Variants in CCDC158 observed in about 807,000 individuals in gnomAD.
CCDC158 encodes coiled-coil domain-containing protein 158.
Under a neutral mutation model 138.6 loss-of-function variants are expected in CCDC158, and 116 were observed. That is an observed-to-expected ratio of 0.84 (90% CI 0.72 to 0.98). The LOEUF (loss-of-function observed/expected upper bound fraction) is 0.98. Among genes scored for constraint, CCDC158 ranks in the 50% least tolerant of loss-of-function variants. The pLI, the probability that CCDC158 is intolerant of heterozygous loss-of-function variation, is 0.00. For missense variants in CCDC158, 1,265 were observed against 1,306.1 expected (o/e 0.97, Z 0.48); for synonymous variants, 436 against 442.4 (o/e 0.99, Z 0.18).
rs754771967 is a variant in CCDC158 at position 76,334,091 on chromosome 4, A to G, written c.2741T>C (p.Val914Ala). ...AGACACAGCTGGCTCCTCATTGATCACGCTTCTCAACTCTTGGAGAAGCTG... is the reference window on the plus strand; with the variant it reads ...AGACACAGCTGGCTCCTCATTGATCGCGCTTCTCAACTCTTGGAGAAGCTG... ...LKQLLQELRSVINEEPAVSLS... is the reference protein window; with the variant it reads ...LKQLLQELRSAINEEPAVSLS... The change falls in exon 19 of 25, where the codon GTG (valine) becomes GCG (alanine). Residue 914 changes from valine (V) to alanine (A), a missense_variant. Physicochemically the swap from Val to Ala is moderately conservative, Grantham distance 64. Coordinates refer to ENST00000682701, the MANE Select transcript of CCDC158 (RefSeq NM_001394954.1). 2 of 1,613,774 alleles carry G rather than the reference A, an allele frequency of 1.2e-6. No individual in the cohort carries two copies. The highest frequency in any genetic ancestry group is 1.3e-5 in the African/African-American group (1 of 74,904).
rs149583813 is a variant in CCDC158, at chr4:76,370,049, T to C, written c.1150-426A>G. ...GAGATGGCAGAATAGTGGCTGGTAC[T>C]GGAATTGGAGTAGCATCTGGGCTGT... On this transcript the variant is annotated intron_variant, in intron 10 of 24. Transcript: ENST00000682701. Among the ~76,000 whole-genome samples the C allele has an allele frequency of 2.8e-3, 421 of 152,270 alleles. 3 individuals carry two copies. Among genetic ancestry groups the C allele is most frequent in the African/African-American group, 9.5e-3 (396 of 41,550 alleles).
At position 76,421,022 on chromosome 4, in the gene CCDC158, C is replaced by T. The variant is rs1306931133; in HGVS notation, c.-174G>A. Among the ~76,000 whole-genome samples, 4 of 152,088 alleles carry T rather than the reference C, an allele frequency of 2.6e-5. No homozygotes were observed. The highest frequency in any genetic ancestry group is 2.1e-4 in the South Asian group (1 of 4,822). ...CACATCTCCGCGGGGCGCCGGCGGGCGCAGCGGCCCCACCTACGTCGACCT... is the reference window on the plus strand; with the variant it reads ...CACATCTCCGCGGGGCGCCGGCGGGTGCAGCGGCCCCACCTACGTCGACCT... On this transcript the variant is annotated 5_prime_UTR_variant, in exon 1 of 25. Coordinates refer to ENST00000682701, the MANE Select transcript of CCDC158 (RefSeq NM_001394954.1).
Position 76,367,289 on chromosome 4 carries a change from C to T in CCDC158, c.1830+5G>A. 1.9e-6 allele frequency: 3 copies of T among 1,604,424 alleles called. No homozygotes were observed. Among genetic ancestry groups the T allele is most frequent in the Non-Finnish European group, 2.6e-6 (3 of 1,174,446 alleles). ...GAAGTTAAATCACAAAAAAACTCTACAGACCTTAAGTTCCTTTAGTTCCAT... is the reference window on the plus strand; with the variant it reads ...GAAGTTAAATCACAAAAAAACTCTATAGACCTTAAGTTCCTTTAGTTCCAT... On this transcript the variant is annotated splice_donor_5th_base_variant and intron_variant, in intron 12 of 24. Transcript: ENST00000682701.
intron 1 of CCDC158, among the ~76,000 whole-genome samples, chr4:76,414,854 CT>C (rs989552200): frequency 2.4e-4 from 36 of 152,146 alleles, no homozygotes; most frequent in African/African-American, 8.2e-4. Context: ...CTCAGTATGT[CT>C]TTAACAGCAG....
chr4:76,418,480 T>C (rs1729864652), intron 1 of CCDC158, among the ~76,000 whole-genome samples: 1 of 152,156 alleles, frequency 6.6e-6, no homozygotes, highest in Admixed American at 6.5e-5. Context: ...TATTAGTCTG[T>C]TTTCATGCTG....
chr4:76,343,856 A>C (rs184289238), intron 18 of CCDC158, among the ~76,000 whole-genome samples: 1 of 152,292 alleles, frequency 6.6e-6, no homozygotes, highest in East Asian at 1.9e-4. Context: ...TATCCATGAA[A>C]GAACGGAAAG....
chr4:76,401,673 A>G (rs1728403040), intron 3 of CCDC158: 1 of 160,494 alleles, frequency 6.2e-6, no homozygotes, highest in African/African-American at 2.4e-5. Flanking sequence ...TCTTGGTAAT[A>G]AGATCCAAAA....
At chr4:76,420,671 C>A (rs1481702329) in intron 1 of CCDC158, among the ~76,000 whole-genome samples, 1 of 152,208 alleles carries the variant, frequency 6.6e-6, no homozygotes, top group Non-Finnish European at 1.5e-5. Context: ...TCAGCAGTCA[C>A]GTTGGGGCAG....
chr4:76,411,381 CAG>C, intron 2 of CCDC158, among the ~76,000 whole-genome samples: 1 of 152,184 alleles, frequency 6.6e-6, no homozygotes, highest in South Asian at 2.1e-4. Flanking sequence ...GCCTGGGTGA[CAG>C]AGCAAGACTC....
intron 24 of CCDC158, among the ~76,000 whole-genome samples, chr4:76,321,664 G>T (rs1259006109): frequency 6.9e-6 from 1 of 144,000 alleles, no homozygotes; most frequent in Non-Finnish European, 1.5e-5. Context: ...TATATACCAT[G>T]TATATTTTTA....
At chr4:76,372,155 A>C (rs1328386963) in intron 9 of CCDC158, among the ~76,000 whole-genome samples, 1 of 152,138 alleles carries the variant, frequency 6.6e-6, no homozygotes, top group African/African-American at 2.4e-5. Context: ...GTATTTAAGA[A>C]AGCTTGAGGG....
At position 76,338,104 on chromosome 4, in the gene CCDC158, T is replaced by C. The variant is rs368215387; in HGVS notation, c.2665-3937A>G. Among the ~76,000 whole-genome samples, 8 of 152,232 alleles carry C rather than the reference T, an allele frequency of 5.3e-5. No homozygotes were observed. The East Asian group carries it at 1.3e-3, about 26-fold the overall frequency. On this transcript the variant is annotated intron_variant, in intron 18 of 24. Transcript: ENST00000682701. ...TAGGAGTGCGAACCCTCTTGTGAACTGCACATGCAGGAGATCTAGGTTGCA... is the reference window on the plus strand; with the variant it reads ...TAGGAGTGCGAACCCTCTTGTGAACCGCACATGCAGGAGATCTAGGTTGCA...
intron 12 of CCDC158, among the ~76,000 whole-genome samples, chr4:76,367,058 T>C (rs1395866896): frequency 6.6e-6 from 1 of 152,174 alleles, no homozygotes; most frequent in Non-Finnish European, 1.5e-5. Flanking sequence ...TCATAGATTT[T>C]CTGATCTTTT....
intron 18 of CCDC158, among the ~76,000 whole-genome samples, chr4:76,349,912 C>A (rs1722899554): frequency 6.6e-6 from 1 of 152,002 alleles, no homozygotes; most frequent in Non-Finnish European, 1.5e-5. Flanking sequence ...AGGAAAAGAT[C>A]AAGGTGCAAT....
chr4:76,318,435 T>C (rs756881080), intron 24 of CCDC158, among the ~76,000 whole-genome samples: 5 of 151,952 alleles, frequency 3.3e-5, no homozygotes, highest in South Asian at 2.1e-4. Context: ...TTCCTGGAGA[T>C]ATACAACCCT....
At chr4:76,380,357 G>A (rs1726118663) in intron 8 of CCDC158, among the ~76,000 whole-genome samples, 1 of 152,178 alleles carries the variant, frequency 6.6e-6, no homozygotes, top group African/African-American at 2.4e-5. Flanking sequence ...AGATGGAGAT[G>A]AGGAACTTCT....
At chr4:76,328,815 G>A (rs1005746675) in intron 22 of CCDC158, 85 bp downstream of exon 22, 4 of 1,019,508 alleles carry the variant, frequency 3.9e-6, no homozygotes, top group African/African-American at 3.2e-5. Flanking sequence ...GGACTTGGAA[G>A]ATACTGCAAT....
chr4:76,400,863 A>G (rs1560475953), intron 3 of CCDC158, among the ~76,000 whole-genome samples: 4 of 152,202 alleles, frequency 2.6e-5, no homozygotes, highest in Non-Finnish European at 5.9e-5. Flanking sequence ...ATAAAGGGGA[A>G]AGGAAGTTGA....
At chr4:76,409,761 G>A (rs1474960121) in intron 2 of CCDC158, among the ~76,000 whole-genome samples, 1 of 152,164 alleles carries the variant, frequency 6.6e-6, no homozygotes, top group Admixed American at 6.5e-5. Context: ...AACCCGGGAG[G>A]TGGAGCTTGC....
Sources: gnomAD v4.1 joint callset for allele counts (sites outside exome capture counted in the v4.1 genomes callset) on GRCh38, gnomAD v4.1.1 for gene constraint, MANE v1.5 for transcripts, NCBI Gene and HGNC (gene_info 2026-07-23, HGNC 2026-07-21) for gene names.